Variants in FRMD4A observed in about 807,000 individuals in gnomAD.
FRMD4A encodes the protein FERM domain containing 4A.
In FRMD4A, 29 loss-of-function variants were observed where a neutral mutation model predicts 129.1. The observed-to-expected ratio is 0.22, with a 90% CI of 0.17 to 0.31. The LOEUF is 0.31. FRMD4A is among the 10% of genes least tolerant of loss of function. The pLI, the probability that FRMD4A is intolerant of heterozygous loss-of-function variation, is 1.00. For synonymous variants in FRMD4A, 634 were observed against 571.6 expected, an observed-to-expected ratio of 1.11 and a Z score of -1.56; for missense variants, 1,272 against 1,375.8, an observed-to-expected ratio of 0.92 and a Z score of 1.19.
chr10:13,763,861 G>A (rs1018596645), intron 6 of FRMD4A, among the ~76,000 whole-genome samples: 17 of 151,798 alleles, frequency 1.1e-4, no homozygotes, highest in Admixed American at 9.9e-4. Flanking sequence ...TCAGCCTCCC[G>A]AGTAGCTGGG....
intron 15 of FRMD4A, among the ~76,000 whole-genome samples, chr10:13,688,863 G>A (rs976965187): frequency 1.4e-4 from 22 of 152,030 alleles, no homozygotes; most frequent in Non-Finnish European, 3.1e-4. Flanking sequence ...GATTATGGGT[G>A]TGTAATTACA....
chr10:14,121,783 G>A (rs1240628186), intron 2 of FRMD4A, among the ~76,000 whole-genome samples: 1 of 152,202 alleles, frequency 6.6e-6, no homozygotes, highest in African/African-American at 2.4e-5. Context: ...AGGGTTGACA[G>A]CGTGAACTTG....
chr10:13,834,482 A>C (rs1480697375), intron 3 of FRMD4A, among the ~76,000 whole-genome samples: 1 of 152,226 alleles, frequency 6.6e-6, no homozygotes, highest in East Asian at 1.9e-4. Flanking sequence ...AAAAATGGTG[A>C]GATATCAAGC....
intron 2 of FRMD4A, among the ~76,000 whole-genome samples, chr10:13,931,511 C>T (rs909048772): frequency 1.1e-4 from 17 of 152,202 alleles, no homozygotes; most frequent in African/African-American, 3.6e-4. Context: ...CTGTTCATTC[C>T]CCAGGAAAGA....
chr10:14,134,324 G>T (rs1839420526), intron 2 of FRMD4A, among the ~76,000 whole-genome samples: 1 of 151,206 alleles, frequency 6.6e-6, no homozygotes, highest in Admixed American at 6.6e-5. Context: ...TGGGTGGATA[G>T]ATGTATGGCT....
intron 2 of FRMD4A, among the ~76,000 whole-genome samples, chr10:14,186,476 G>A (rs1163473094): frequency 1.3e-5 from 2 of 152,296 alleles, no homozygotes; most frequent in East Asian, 3.9e-4. Flanking sequence ...AGCAGAGGGA[G>A]ACAGATCTGA....
intron 2 of FRMD4A, among the ~76,000 whole-genome samples, chr10:14,078,662 G>T (rs903306265): frequency 3.9e-5 from 6 of 152,170 alleles, no homozygotes; most frequent in Non-Finnish European, 8.8e-5. Flanking sequence ...AGGTCATGGT[G>T]GGGGGTATGA....
At chr10:14,162,100 G>A (rs147248991) in intron 2 of FRMD4A, among the ~76,000 whole-genome samples, 26 of 151,350 alleles carry the variant, frequency 1.7e-4, no homozygotes, top group South Asian at 8.4e-4. Flanking sequence ...AAAAATTAAG[G>A]TATTTTTTAT....
intron 2 of FRMD4A, among the ~76,000 whole-genome samples, chr10:14,086,131 G>T (rs1039776815): frequency 6.6e-6 from 1 of 152,102 alleles, no homozygotes; most frequent in Non-Finnish European, 1.5e-5. Context: ...TATTTTTCCA[G>T]TTATCTCCAA....
intron 2 of FRMD4A, among the ~76,000 whole-genome samples, chr10:14,031,531 G>A (rs1223324003): frequency 6.6e-6 from 1 of 152,224 alleles, no homozygotes; most frequent in African/African-American, 2.4e-5. Flanking sequence ...GCCTCCCGAA[G>A]TGCTGGGATT....
At chr10:14,176,765 C>T (rs1346601576) in intron 2 of FRMD4A, among the ~76,000 whole-genome samples, 1 of 152,156 alleles carries the variant, frequency 6.6e-6, no homozygotes, top group Non-Finnish European at 1.5e-5. Flanking sequence ...AGCCACTGCA[C>T]CCAGACTTAC....
chr10:14,035,065 C>T (rs778072964), intron 2 of FRMD4A, among the ~76,000 whole-genome samples: 2 of 151,928 alleles, frequency 1.3e-5, no homozygotes, highest in Admixed American at 6.6e-5. Context: ...AATTAAATAC[C>T]GGGGGGACCA....
intron 2 of FRMD4A, among the ~76,000 whole-genome samples, chr10:13,978,422 C>T (rs1208368009): frequency 5.9e-5 from 9 of 152,148 alleles, no homozygotes; most frequent in Admixed American, 1.3e-4. Context: ...CTGCTCCTGA[C>T]TCTCTCACAC....
chr10:13,913,852 T>A (rs557728540), intron 2 of FRMD4A, among the ~76,000 whole-genome samples: 99 of 152,246 alleles, frequency 6.5e-4, no homozygotes, highest in Middle Eastern at 3.4e-3. Context: ...AGTTTGACAA[T>A]GAACAAATAC....
intron 12 of FRMD4A, among the ~76,000 whole-genome samples, chr10:13,730,145 C>G (rs2090221430): frequency 6.6e-6 from 1 of 152,112 alleles, no homozygotes; most frequent in Non-Finnish European, 1.5e-5. Flanking sequence ...ACGCTGCAAA[C>G]AAGGCAGATT....
At chr10:13,831,934 G>GA (rs2093796106) in intron 3 of FRMD4A, among the ~76,000 whole-genome samples, 1 of 144,760 alleles carries the variant, frequency 6.9e-6, no homozygotes, top group Non-Finnish European at 1.6e-5. Context: ...AGAGCTCAGG[G>GA]CTTTTTTAGC....
At chr10:13,955,106 A>G (rs929199441) in intron 2 of FRMD4A, among the ~76,000 whole-genome samples, 3 of 45,512 alleles carry the variant, frequency 6.6e-5, no homozygotes, top group African/African-American at 3.6e-4. Flanking sequence ...CATGTTAATA[A>G]TTCTGCTTTT....
chr10:14,174,562 A>ATTCATTCG (rs943829877), intron 2 of FRMD4A, among the ~76,000 whole-genome samples: 6 of 150,998 alleles, frequency 4.0e-5, no homozygotes, highest in Non-Finnish European at 5.9e-5. Flanking sequence ...TCATTCATTC[A>ATTCATTCG]TTCGTTCATC....
chr10:13,865,061 A>G (rs2094347423), intron 2 of FRMD4A, among the ~76,000 whole-genome samples: 2 of 151,566 alleles, frequency 1.3e-5, no homozygotes, highest in South Asian at 4.2e-4. Flanking sequence ...TGCAGCCTCA[A>G]CCTCCTGGGC....
Sources: allele counts gnomAD v4.1 joint callset (sites outside exome capture counted in the v4.1 genomes callset), GRCh38; gene constraint gnomAD v4.1.1; transcripts MANE v1.5; gene names NCBI Gene and HGNC (gene_info 2026-07-23, HGNC 2026-07-21).